PTPRD: variants seen among roughly 807,000 people sequenced by gnomAD.
PTPRD encodes the protein receptor-type tyrosine-protein phosphatase delta.
PTPRD carries 34 observed loss-of-function variants against 214.5 expected under a neutral mutation model. The ratio of observed to expected loss-of-function variants is 0.16; its 90% CI spans 0.12 to 0.21. The LOEUF (loss-of-function observed/expected upper bound fraction) is 0.21, where lower values mean the gene tolerates loss of function less well. Ranked by LOEUF, PTPRD falls within the 10% of genes least tolerant of loss-of-function variation. The pLI is 1.00. For synonymous variants in PTPRD, 1,128 were observed against 845.7 expected, an observed-to-expected ratio of 1.33 and a Z score of -5.79; for missense variants, 2,545 against 2,398.7, an observed-to-expected ratio of 1.06 and a Z score of -1.27.
At position 10,097,666 on chromosome 9, in the gene PTPRD, C is replaced by A. The variant is rs562956447; in HGVS notation, c.-544-63876G>T. ...GAGACGATGGGGTTTTCTAGATATACAATCATGTCGTCTGCAAACAGGGAC... is the reference window on the plus strand; with the variant it reads ...GAGACGATGGGGTTTTCTAGATATAAAATCATGTCGTCTGCAAACAGGGAC... On this transcript the variant is annotated intron_variant, in intron 3 of 45. Transcript: ENST00000381196. Among the ~76,000 whole-genome samples, 390 of 151,832 alleles carry A rather than the reference C, an allele frequency of 2.6e-3. 1 individual carries two copies. Among genetic ancestry groups the A allele is most frequent in the Admixed American group, 4.1e-3 (62 of 15,200 alleles).
At chr9:9,511,260 C>G (rs926627723) in intron 8 of PTPRD, among the ~76,000 whole-genome samples, 1 of 151,638 alleles carries the variant, frequency 6.6e-6, no homozygotes, top group African/African-American at 2.4e-5. Flanking sequence ...GTAAAGAGTA[C>G]ACGTACTGAT....
At chr9:9,344,507 T>C (rs1207186905) in intron 9 of PTPRD, among the ~76,000 whole-genome samples, 1 of 150,194 alleles carries the variant, frequency 6.7e-6, no homozygotes, top group Non-Finnish European at 1.5e-5. Flanking sequence ...AAGTAAAAAT[T>C]AAAAAAAAAG....
intron 10 of PTPRD, among the ~76,000 whole-genome samples, chr9:9,035,720 T>C (rs1263988512): frequency 2.0e-5 from 3 of 152,102 alleles, no homozygotes; most frequent in African/African-American, 4.8e-5. Flanking sequence ...ATGTGTGTAA[T>C]TGGGTATATT....
At chr9:10,166,607 A>G (rs1342652567) in intron 3 of PTPRD, among the ~76,000 whole-genome samples, 3 of 152,018 alleles carry the variant, frequency 2.0e-5, no homozygotes, top group Non-Finnish European at 2.9e-5. Flanking sequence ...ATGTTCAATG[A>G]AAAGCTATTC....
intron 3 of PTPRD, among the ~76,000 whole-genome samples, chr9:10,225,231 TA>T (rs1169196575): frequency 6.6e-6 from 1 of 151,930 alleles, no homozygotes; most frequent in Admixed American, 6.6e-5. Context: ...TATTTTATTT[TA>T]AAAAATAGAA....
intron 5 of PTPRD, among the ~76,000 whole-genome samples, chr9:9,825,451 G>C (rs1438260963): frequency 6.6e-6 from 1 of 151,408 alleles, no homozygotes; most frequent in Non-Finnish European, 1.5e-5. Context: ...GAAAGAAAGA[G>C]AAAGAGAGAA....
chr9:9,078,053 T>A (rs2099753750), intron 10 of PTPRD, among the ~76,000 whole-genome samples: 1 of 152,108 alleles, frequency 6.6e-6, no homozygotes, highest in Non-Finnish European at 1.5e-5. Context: ...GGCCTTGACA[T>A]TTTCAATGGC....
intron 5 of PTPRD, among the ~76,000 whole-genome samples, chr9:9,783,678 C>T (rs1455536463): frequency 2.0e-5 from 3 of 152,042 alleles, no homozygotes; most frequent in African/African-American, 4.8e-5. Context: ...TTGTTGTCTC[C>T]TCTACCTTCT....
At chr9:10,572,818 G>T (rs2067898813) in intron 2 of PTPRD, among the ~76,000 whole-genome samples, 1 of 151,964 alleles carries the variant, frequency 6.6e-6, no homozygotes, top group African/African-American at 2.4e-5. Flanking sequence ...TGTCTCTCTA[G>T]AACCAGAATG....
chr9:8,719,684 AG>A (rs1372856717), intron 12 of PTPRD, among the ~76,000 whole-genome samples: 3 of 150,422 alleles, frequency 2.0e-5, no homozygotes, highest in African/African-American at 7.6e-5. Context: ...AGAGTTGAAT[AG>A]CTGTGATAGA....
At chr9:10,094,076 G>A (rs1178289213) in intron 3 of PTPRD, among the ~76,000 whole-genome samples, 1 of 151,210 alleles carries the variant, frequency 6.6e-6, no homozygotes, top group Non-Finnish European at 1.5e-5. Context: ...ACATGTACCT[G>A]TTGAATCCAA....
chr9:8,612,050 C>A (rs1268257994), intron 14 of PTPRD, among the ~76,000 whole-genome samples: 4 of 149,386 alleles, frequency 2.7e-5, no homozygotes, highest in Non-Finnish European at 5.9e-5. Context: ...TCCAGAAAGA[C>A]GATGTTTCAA....
At chr9:8,735,027 G>A (rs1206226589) in intron 11 of PTPRD, among the ~76,000 whole-genome samples, 1 of 152,164 alleles carries the variant, frequency 6.6e-6, no homozygotes, top group South Asian at 2.1e-4. Flanking sequence ...CAGCATGCAC[G>A]GGGCCCCCTG....
chr9:8,396,844 G>T (rs2091308403), intron 36 of PTPRD, among the ~76,000 whole-genome samples: 1 of 152,046 alleles, frequency 6.6e-6, no homozygotes, highest in Non-Finnish European at 1.5e-5. Flanking sequence ...GGTTTCCCAG[G>T]CTAAGTGCTA....
intron 5 of PTPRD, among the ~76,000 whole-genome samples, chr9:9,936,593 G>A (rs2089522636): frequency 1.5e-5 from 2 of 136,608 alleles, no homozygotes. Flanking sequence ...TGGAGAGGAT[G>A]TGGAGAAATA....
chr9:9,806,257 T>C (rs1565406820), intron 5 of PTPRD, among the ~76,000 whole-genome samples: 1 of 151,226 alleles, frequency 6.6e-6, no homozygotes, highest in Admixed American at 6.6e-5. Context: ...AAAATAATAG[T>C]TGGTTGTAGA....
intron 37 of PTPRD, among the ~76,000 whole-genome samples, chr9:8,381,184 C>G (rs1389033551): frequency 6.6e-6 from 1 of 152,098 alleles, no homozygotes; most frequent in East Asian, 1.9e-4. Flanking sequence ...AAGGAATGGA[C>G]AAACAGGCTA....
intron 3 of PTPRD, among the ~76,000 whole-genome samples, chr9:10,111,079 G>A (rs1018304686): frequency 2.0e-5 from 3 of 151,894 alleles, no homozygotes; most frequent in Non-Finnish European, 2.9e-5. Flanking sequence ...GAGTTCCTGT[G>A]CCACTTTTAA....
intron 4 of PTPRD, among the ~76,000 whole-genome samples, chr9:9,984,868 C>T (rs2095656479): frequency 6.6e-6 from 1 of 152,054 alleles, no homozygotes; most frequent in Non-Finnish European, 1.5e-5. Context: ...TCAGTGTCCT[C>T]ACTCTCACAC....
Sources: allele counts gnomAD v4.1 joint callset (sites outside exome capture counted in the v4.1 genomes callset), GRCh38; gene constraint gnomAD v4.1.1; transcripts MANE v1.5; gene names NCBI Gene and HGNC (gene_info 2026-07-23, HGNC 2026-07-21).